The following NCOA2 variants were observed in gnomAD, a reference collection of about 807,000 sequenced individuals.
The protein encoded by NCOA2 is nuclear receptor coactivator 2, also known as class E basic helix-loop-helix protein 75.
NCOA2 carries 21 observed loss-of-function variants against 145.1 expected under a neutral mutation model. That is an observed-to-expected ratio of 0.14 (90% CI 0.10 to 0.21). The LOEUF is 0.21. Ranked by LOEUF, NCOA2 falls within the 10% of genes least tolerant of loss-of-function variation. The pLI is 1.00. For missense variants in NCOA2, 1,472 were observed against 1,837.6 expected, an observed-to-expected ratio of 0.80 and a Z score of 3.64; for synonymous variants, 619 against 637.5, an observed-to-expected ratio of 0.97 and a Z score of 0.44.
At chr8:70,395,500 A>C (rs1813572066) in intron 1 of NCOA2, among the ~76,000 whole-genome samples, 1 of 152,240 alleles carries the variant, frequency 6.6e-6, no homozygotes, top group Non-Finnish European at 1.5e-5. Context: ...TACTCCCGAC[A>C]TTCAATTCTA....
At chr8:70,308,715 C>T (rs1828082239) in intron 1 of NCOA2, among the ~76,000 whole-genome samples, 2 of 152,154 alleles carry the variant, frequency 1.3e-5, no homozygotes, top group Admixed American at 1.3e-4. Flanking sequence ...AGGCCACAAA[C>T]TACAGCATGG....
chr8:70,190,092 T>G (rs1331856868), intron 4 of NCOA2, among the ~76,000 whole-genome samples: 1 of 152,160 alleles, frequency 6.6e-6, no homozygotes, highest in African/African-American at 2.4e-5. Flanking sequence ...TTCTCTGAAG[T>G]ATAACAGCTC....
At chr8:70,226,229 G>A (rs1163337819) in intron 2 of NCOA2, among the ~76,000 whole-genome samples, 4 of 151,910 alleles carry the variant, frequency 2.6e-5, no homozygotes, top group African/African-American at 9.7e-5. Context: ...TAACACATCA[G>A]ACTTTTGTGA....
chr8:70,163,434 T>G (rs1563551761), intron 8 of NCOA2, 31 bp downstream of exon 8: 1 of 1,491,478 alleles, frequency 6.7e-7, no homozygotes. Context: ...CTAAAATGAT[T>G]CCTTTGGTCT....
At chr8:70,200,720 C>G (rs1817791259) in intron 4 of NCOA2, among the ~76,000 whole-genome samples, 1 of 152,044 alleles carries the variant, frequency 6.6e-6, no homozygotes, top group African/African-American at 2.4e-5. Flanking sequence ...CTATAATAGT[C>G]AAATTCATAG....
At position 70,141,373 on chromosome 8, in the gene NCOA2, G is replaced by T. The variant is rs780067727; in HGVS notation, c.2839C>A (p.Pro947Thr). ...TGMIGNSASRPTMPSGEWAPQ... is the reference protein window; with the variant it reads ...TGMIGNSASRTTMPSGEWAPQ... ...GCCCATTCTCCAGATGGCATAGTAG[G>T]CCGAGAAGCACTGTTACCAATCATT... is the stretch of plus-strand genomic sequence containing the variant. Residue 947 changes from proline (P) to threonine (T), a missense_variant, in exon 14 of 23, where the codon CCT becomes ACT. Around this residue, in one of 4 missense-constraint regions of NCOA2, gnomAD observed 953 missense variants for 1,062.1 expected, o/e 0.90. Transcript: ENST00000452400. The T allele has an allele frequency of 6.2e-7, 1 of 1,613,840 alleles. No homozygotes were observed. The highest frequency in any genetic ancestry group is 8.5e-7 in the Non-Finnish European group (1 of 1,179,842).
At chr8:70,246,948 C>T (rs1205220354) in intron 2 of NCOA2, among the ~76,000 whole-genome samples, 3 of 152,038 alleles carry the variant, frequency 2.0e-5, no homozygotes, top group Non-Finnish European at 2.9e-5. Context: ...TTCTTTAATA[C>T]AGAAAAACCA....
the NCOA2 span, among the ~76,000 whole-genome samples, chr8:70,451,234 A>AT: frequency 0.094 from 10,147 of 108,322 alleles, 280 homozygotes; most frequent in Non-Finnish European, 0.13. Context: ...AAAAAAAAAA[A>AT]AAAATATATA....
At chr8:70,268,473 C>A (rs1269490715) in intron 2 of NCOA2, among the ~76,000 whole-genome samples, 1 of 152,140 alleles carries the variant, frequency 6.6e-6, no homozygotes, top group African/African-American at 2.4e-5. Context: ...ACATTAGGTA[C>A]AGTTTGACTA....
the NCOA2 span, among the ~76,000 whole-genome samples, chr8:70,431,654 G>A: frequency 6.6e-6 from 1 of 152,120 alleles, no homozygotes; most frequent in Non-Finnish European, 1.5e-5. Context: ...CGTTCTTTGG[G>A]CTATATGCAT....
intron 2 of NCOA2, among the ~76,000 whole-genome samples, chr8:70,290,161 G>A (rs1826550876): frequency 1.3e-5 from 2 of 151,574 alleles, no homozygotes; most frequent in African/African-American, 2.4e-5. Flanking sequence ...ATGGTGCCTA[G>A]GCCAAAAAAT....
In NCOA2 at chr8:70,148,403, C is replaced by G; in HGVS notation, c.2475G>C (p.Thr825=). 6.2e-7 allele frequency: 1 copy of G among 1,613,916 alleles called. No individual in the cohort carries two copies. Reference sequence around the variant, plus strand: ...CTGATCCAGCAGGGGCGCCTGGCCTCGTGTCTGGGAAAAGCTGTGGTAATT... The same window carrying G: ...CTGATCCAGCAGGGGCGCCTGGCCTGGTGTCTGGGAAAAGCTGTGGTAATT... ...NSQLPQLFPD[T]RPGAPAGSVD... is the part of the protein sequence containing the mutation. The change falls in exon 12 of 23, where the codon ACG becomes ACC. Residue 825 remains threonine, a synonymous_variant. Coordinates refer to ENST00000452400, the MANE Select transcript of NCOA2 (RefSeq NM_006540.4).
Position 70,366,237 on chromosome 8 carries a change from T to C in NCOA2, c.-77+37463A>G, listed in dbSNP as rs560703180. 8.5e-4 allele frequency among the ~76,000 whole-genome samples: 129 copies of C among 151,866 alleles called. 1 individual carries two copies. The highest frequency in any genetic ancestry group is 2.9e-3 in the African/African-American group (122 of 41,408). ...TGTGACCACATTCTAGGGGGAAAAA[T>C]AGCATCCCAAAAGTGAAGTATGTGG... On this transcript the variant is annotated intron_variant, in intron 1 of 22. Coordinates refer to ENST00000452400, the MANE Select transcript of NCOA2 (RefSeq NM_006540.4).
At chr8:70,218,856 T>C (rs1819890560) in intron 2 of NCOA2, among the ~76,000 whole-genome samples, 1 of 152,170 alleles carries the variant, frequency 6.6e-6, no homozygotes, top group Non-Finnish European at 1.5e-5. Flanking sequence ...ATGCCCTATA[T>C]AGTAGGTATA....
rs543496200 is a variant in NCOA2 at position 70,179,925 on chromosome 8, A to T, written c.260-5066T>A. ...CTGCTACGCTTTTACCATTAAAGTTATTCTTTTTATTTTATTAAATTTTTG... is the reference window on the plus strand; with the variant it reads ...CTGCTACGCTTTTACCATTAAAGTTTTTCTTTTTATTTTATTAAATTTTTG... On this transcript the variant is annotated intron_variant, in intron 4 of 22. Coordinates refer to ENST00000452400, the MANE Select transcript of NCOA2 (RefSeq NM_006540.4). 2.2e-3 allele frequency among the ~76,000 whole-genome samples: 329 copies of T among 152,178 alleles called. 1 individual carries two copies. Among genetic ancestry groups the T allele is most frequent in the African/African-American group, 7.5e-3 (311 of 41,526 alleles).
chr8:70,382,754 C>G (rs1164788756), intron 1 of NCOA2, among the ~76,000 whole-genome samples: 1 of 152,168 alleles, frequency 6.6e-6, no homozygotes, highest in East Asian at 1.9e-4. Context: ...TGCACGCGTT[C>G]CAGAAGGGTT....
the NCOA2 span, among the ~76,000 whole-genome samples, chr8:70,419,240 G>A: frequency 6.6e-6 from 1 of 151,992 alleles, no homozygotes; most frequent in East Asian, 1.9e-4. Flanking sequence ...GGACATTGTT[G>A]CAATTCTTCA....
rs1313927309 is a variant in NCOA2, at chr8:70,123,266, A to G, written c.4293+618T>C. Among the ~76,000 whole-genome samples the G allele has an allele frequency of 2.6e-5, 4 of 152,242 alleles. No individual in the cohort carries two copies. The East Asian group carries it at 7.7e-4, about 29-fold the overall frequency. On this transcript the variant is annotated intron_variant, in intron 21 of 22. Coordinates refer to ENST00000452400, the MANE Select transcript of NCOA2 (RefSeq NM_006540.4). ...ATTATCTGTGTCGGTCTCTTTGCAT[A>G]AATGAAGGATCATTTCAAACTAACT... is the stretch of plus-strand genomic sequence containing the variant.
the NCOA2 span, among the ~76,000 whole-genome samples, chr8:70,446,135 G>T: frequency 6.6e-6 from 1 of 151,616 alleles, no homozygotes; most frequent in Non-Finnish European, 1.5e-5. Flanking sequence ...CAGACAAAAA[G>T]CTCTTCAGAG....
Sources: gnomAD v4.1 joint callset for allele counts (sites outside exome capture counted in the v4.1 genomes callset) on GRCh38, gnomAD v4.1.1 for gene constraint, gnomAD v4.1.1 regional missense constraint, MANE v1.5 for transcripts, NCBI Gene and HGNC (gene_info 2026-07-23, HGNC 2026-07-21) for gene names.